Variants in CUX2 observed in about 807,000 individuals in gnomAD.
The protein encoded by CUX2 is cut like homeobox 2.
Under a neutral mutation model 144.8 loss-of-function variants are expected in CUX2, and 40 were observed. The ratio of observed to expected loss-of-function variants is 0.28; its 90% CI spans 0.21 to 0.36. The LOEUF (loss-of-function observed/expected upper bound fraction) is 0.36. Ranked by LOEUF, CUX2 falls within the 10% of genes least tolerant of loss-of-function variation. The pLI, the probability that CUX2 is intolerant of heterozygous loss-of-function variation, is 1.00. For missense variants in CUX2, 1,615 were observed against 1,994.0 expected (o/e 0.81, Z 3.62); for synonymous variants, 827 against 875.6 (o/e 0.94, Z 0.98).
At chr12:111,173,243 G>T (rs73415926) in intron 1 of CUX2, among the ~76,000 whole-genome samples, 2,281 of 152,300 alleles carry the variant, frequency 0.015, 50 homozygotes, top group African/African-American at 0.051. Flanking sequence ...TAATTTGATG[G>T]TCATTCCCAT....
intron 3 of CUX2, among the ~76,000 whole-genome samples, chr12:111,244,323 C>G (rs971338073): frequency 6.6e-6 from 1 of 152,166 alleles, no homozygotes; most frequent in Non-Finnish European, 1.5e-5. Flanking sequence ...AGGGACCTCA[C>G]CCCTAGTGGG....
intron 1 of CUX2, among the ~76,000 whole-genome samples, chr12:111,086,578 A>T (rs1018173628): frequency 2.0e-5 from 3 of 152,186 alleles, no homozygotes; most frequent in Admixed American, 1.3e-4. Flanking sequence ...GCAGACAGGG[A>T]GAGGAAGAAG....
Position 111,277,926 on chromosome 12 carries a change from G to A in CUX2, c.302-13492G>A, listed in dbSNP as rs74941922. Among the ~76,000 whole-genome samples the A allele has an allele frequency of 6.0e-3, 921 of 152,312 alleles. 11 individuals are homozygous for A. Among genetic ancestry groups the A allele is most frequent in the African/African-American group, 0.021 (863 of 41,570 alleles). On this transcript the variant is annotated intron_variant, in intron 4 of 21. Coordinates refer to ENST00000261726, the MANE Select transcript of CUX2 (RefSeq NM_015267.4). The surrounding 1 kb of genome is among the most constrained non-coding windows in gnomAD (Gnocchi z 5.0). ...CAACAATCAAAGCATTCGCAGGGCCGGGTTGTTTCTGAAAGCAGGAGGCTG... is the reference window on the plus strand; with the variant it reads ...CAACAATCAAAGCATTCGCAGGGCCAGGTTGTTTCTGAAAGCAGGAGGCTG...
At chr12:111,343,972 G>A (rs1308027665) in intron 21 of CUX2, among the ~76,000 whole-genome samples, 3 of 152,088 alleles carry the variant, frequency 2.0e-5, no homozygotes, top group Non-Finnish European at 4.4e-5. Flanking sequence ...AGAATCACTT[G>A]AACCCAGGAG....
chr12:111,346,658 C>A (rs1318680203), intron 21 of CUX2, among the ~76,000 whole-genome samples: 1 of 152,122 alleles, frequency 6.6e-6, no homozygotes, highest in Non-Finnish European at 1.5e-5. Context: ...GAAACAGAAA[C>A]CCCTGTTGTT....
Position 111,034,184 on chromosome 12 carries a change from G to A in CUX2, c.7G>A (p.Ala3Thr). MA[A>T]NVGSMFQYWK... ...CGTCTCGATAGCCCCCAAGATGGCC[G>A]CCAATGTGGGATCGATGTTTCAATA... Residue 3 changes from alanine to threonine, a missense_variant, in exon 1 of 22, where the codon GCC becomes ACC. Ala to Thr is a moderately conservative substitution (Grantham distance 58). Around this residue, in one of 12 missense-constraint regions of CUX2, gnomAD observed 64 missense variants for 64.9 expected, o/e 0.99. Transcript: ENST00000261726. This position sits in a 1 kb window ranked among gnomAD's most constrained non-coding sequence, Gnocchi z 4.2. 7.1e-7 allele frequency: 1 copy of A among 1,400,082 alleles called. No homozygotes were observed. Among genetic ancestry groups the A allele is most frequent in the Non-Finnish European group, 9.5e-7 (1 of 1,047,616 alleles). The allele number at this position is 1,400,082 out of a possible 1,614,324, so 86.7% of individuals were successfully genotyped here.
intron 3 of CUX2, among the ~76,000 whole-genome samples, chr12:111,257,790 C>G (rs1020042574): frequency 1.6e-4 from 24 of 151,462 alleles, no homozygotes; most frequent in African/African-American, 5.6e-4. Flanking sequence ...CCTCCTCCTC[C>G]TCTTCCTGTC....
intron 3 of CUX2, among the ~76,000 whole-genome samples, chr12:111,254,423 G>A (rs1296241356): frequency 6.6e-6 from 1 of 152,230 alleles, no homozygotes; most frequent in South Asian, 2.1e-4. Context: ...GGCATAGAGG[G>A]CAGAATCTGG....
chr12:111,127,592 AAC>A (rs1236487107), intron 1 of CUX2, among the ~76,000 whole-genome samples: 1 of 152,204 alleles, frequency 6.6e-6, no homozygotes, highest in Non-Finnish European at 1.5e-5. Flanking sequence ...TCCTAGTAGA[AAC>A]AGTCTTTTCT....
At chr12:111,283,155 T>G (rs189266660) in intron 4 of CUX2, among the ~76,000 whole-genome samples, 2 of 151,772 alleles carry the variant, frequency 1.3e-5, no homozygotes, top group East Asian at 3.9e-4. Flanking sequence ...GAGGCAGAGG[T>G]TGCAGTGAGC....
At chr12:111,134,616 C>CTGTG (rs1191021541) in intron 1 of CUX2, among the ~76,000 whole-genome samples, 11 of 145,114 alleles carry the variant, frequency 7.6e-5, no homozygotes, top group African/African-American at 1.1e-4. Flanking sequence ...CTCTCTCTCT[C>CTGTG]TCTCTGTGTG....
chr12:111,147,384 AT>A (rs1398566639), intron 1 of CUX2, among the ~76,000 whole-genome samples: 1 of 152,062 alleles, frequency 6.6e-6, no homozygotes, highest in Non-Finnish European at 1.5e-5. Context: ...ATAACCTGGG[AT>A]TTATGTCCCC....
chr12:111,052,506 C>T (rs993400230), intron 1 of CUX2, among the ~76,000 whole-genome samples: 1 of 151,440 alleles, frequency 6.6e-6, no homozygotes, highest in East Asian at 1.9e-4. Flanking sequence ...TGTATACTTA[C>T]GTGTGTATGT....
chr12:111,134,620 CTGTGTGTGTG>C (rs750270262), intron 1 of CUX2, among the ~76,000 whole-genome samples: 18 of 142,208 alleles, frequency 1.3e-4, no homozygotes, highest in East Asian at 8.0e-4. Flanking sequence ...CTCTCTCTCT[CTGTGTGTGTG>C]TGTGTGTGTG....
At chr12:111,251,996 A>G (rs573620066) in intron 3 of CUX2, among the ~76,000 whole-genome samples, 3 of 152,142 alleles carry the variant, frequency 2.0e-5, no homozygotes, top group African/African-American at 4.8e-5. Context: ...CCTGGGCAAC[A>G]TAGCAAGACC....
intron 18 of CUX2, among the ~76,000 whole-genome samples, chr12:111,324,280 C>T (rs1485894064): frequency 3.4e-5 from 5 of 148,612 alleles, no homozygotes; most frequent in Non-Finnish European, 7.4e-5. Context: ...ACCTGGGAGG[C>T]AGAGGTTGCA....
chr12:111,104,876 T>C (rs550138922), intron 1 of CUX2, among the ~76,000 whole-genome samples: 196 of 152,192 alleles, frequency 1.3e-3, no homozygotes, highest in Non-Finnish European at 2.1e-3. Flanking sequence ...CAGCCAGCTG[T>C]GGCCCTCAGA....
intron 3 of CUX2, among the ~76,000 whole-genome samples, chr12:111,236,762 C>T (rs996984958): frequency 6.6e-6 from 1 of 152,258 alleles, no homozygotes; most frequent in African/African-American, 2.4e-5. Flanking sequence ...AACTCTGCCA[C>T]TGCACTAGCA....
intron 18 of CUX2, among the ~76,000 whole-genome samples, chr12:111,327,704 C>T (rs960155960): frequency 9.9e-5 from 15 of 152,074 alleles, no homozygotes; most frequent in African/African-American, 2.7e-4. Flanking sequence ...GGAGGTGGGA[C>T]CATGCACGGC....
Sources: gnomAD v4.1 joint callset for allele counts (sites outside exome capture counted in the v4.1 genomes callset) on GRCh38, gnomAD v4.1.1 for gene constraint, gnomAD v4.1.1 regional missense constraint, Gnocchi (gnomAD v3.1) non-coding constraint, MANE v1.5 for transcripts, NCBI Gene and HGNC (gene_info 2026-07-23, HGNC 2026-07-21) for gene names.